Variants in GPC6 observed in about 807,000 individuals in gnomAD.
GPC6 encodes glypican 6, also known as glypican-6.
In GPC6, 14 loss-of-function variants were observed where a neutral mutation model predicts 55.2. The observed-to-expected ratio is 0.25, with a 90% CI of 0.17 to 0.40. The LOEUF is 0.40. GPC6 is among the 10% of genes least tolerant of loss of function. The pLI, the probability that GPC6 is intolerant of heterozygous loss-of-function variation, is 1.00. For missense variants in GPC6, 641 were observed against 708.5 expected (o/e 0.90, Z 1.08); for synonymous variants, 278 against 259.6 (o/e 1.07, Z -0.68).
intron 1 of GPC6, among the ~76,000 whole-genome samples, chr13:93,340,663 C>A (rs181731076): frequency 6.6e-6 from 1 of 152,196 alleles, no homozygotes; most frequent in Non-Finnish European, 1.5e-5. Flanking sequence ...AAGATAGGGT[C>A]AGGTGAGCTG....
chr13:93,324,221 T>A (rs2139126904), intron 1 of GPC6, among the ~76,000 whole-genome samples: 1 of 152,126 alleles, frequency 6.6e-6, no homozygotes, highest in Admixed American at 6.6e-5. Flanking sequence ...ATATTCTCAC[T>A]TATTTGTGGG....
At chr13:93,893,915 C>T (rs1875841055) in intron 3 of GPC6, among the ~76,000 whole-genome samples, 1 of 152,154 alleles carries the variant, frequency 6.6e-6, no homozygotes. Flanking sequence ...TAACCATTAT[C>T]CAAGGCCTCT....
chr13:93,781,567 T>C (rs1399166219), intron 2 of GPC6, among the ~76,000 whole-genome samples: 1 of 152,106 alleles, frequency 6.6e-6, no homozygotes, highest in Admixed American at 6.6e-5. Flanking sequence ...AAATTGTTAC[T>C]ATATGAAATA....
chr13:93,391,697 G>A lies in GPC6; in HGVS notation c.161-153566G>A, dbSNP rs1390449117. Among the ~76,000 whole-genome samples the A allele has an allele frequency of 2.0e-5, 3 of 152,084 alleles. No homozygotes were observed. The East Asian group carries it at 5.8e-4, about 29-fold the overall frequency. On this transcript the variant is annotated intron_variant, in intron 1 of 8. Coordinates refer to ENST00000377047, the MANE Select transcript of GPC6 (RefSeq NM_005708.5). ...GTCTAATGATTCTGCCACCCCCTCA[G>A]GGTGGGTTTTCATTTCTTGGGGTTC...
At chr13:94,252,204 A>G (rs1891371427) in intron 4 of GPC6, among the ~76,000 whole-genome samples, 1 of 152,128 alleles carries the variant, frequency 6.6e-6, no homozygotes, top group Admixed American at 6.6e-5. Flanking sequence ...TGACTTTGTT[A>G]TATAAAACCT....
intron 3 of GPC6, among the ~76,000 whole-genome samples, chr13:93,834,594 A>G (rs1012786680): frequency 3.9e-5 from 6 of 151,954 alleles, no homozygotes; most frequent in Non-Finnish European, 8.8e-5. Flanking sequence ...GTGTGTGTGC[A>G]TGCATGTATG....
In GPC6 at chr13:93,637,418, T is replaced by C. The variant is rs1173058788; in HGVS notation, c.319+91997T>C. Among the ~76,000 whole-genome samples, 8 of 151,986 alleles carry C rather than the reference T, an allele frequency of 5.3e-5. No individual in the cohort carries two copies. In the East Asian group the frequency reaches 9.6e-4, roughly 18 times the overall value. ...CAGAGATGAATAACTAGAGGTCTCT[T>C]GCCACAATGTTTTGCCAGACTAATT... On this transcript the variant is annotated intron_variant, in intron 2 of 8. Transcript: ENST00000377047.
At chr13:93,782,072 T>C (rs767706694) in intron 2 of GPC6, among the ~76,000 whole-genome samples, 6 of 152,122 alleles carry the variant, frequency 3.9e-5, no homozygotes, top group Non-Finnish European at 8.8e-5. Flanking sequence ...TACCCTTTGA[T>C]CAACATATTC....
chr13:93,438,533 G>A (rs185550587), intron 1 of GPC6, among the ~76,000 whole-genome samples: 2 of 152,250 alleles, frequency 1.3e-5, no homozygotes, highest in Non-Finnish European at 2.9e-5. Flanking sequence ...TGCTGCATAC[G>A]TGGTGGAAAT....
chr13:93,362,389 T>A (rs776078890), intron 1 of GPC6, among the ~76,000 whole-genome samples: 43 of 152,160 alleles, frequency 2.8e-4, no homozygotes, highest in Non-Finnish European at 5.6e-4. Flanking sequence ...CATAAAGACA[T>A]TACCTGTGAT....
chr13:94,241,148 G>GT (rs1566582621), intron 4 of GPC6, among the ~76,000 whole-genome samples: 1 of 152,146 alleles, frequency 6.6e-6, no homozygotes, highest in Non-Finnish European at 1.5e-5. Flanking sequence ...TCTTGGTCAC[G>GT]TGAGGATACA....
intron 3 of GPC6, among the ~76,000 whole-genome samples, chr13:94,012,379 A>G (rs1203374063): frequency 6.6e-6 from 1 of 152,198 alleles, no homozygotes; most frequent in Non-Finnish European, 1.5e-5. Flanking sequence ...AGACTTTCTC[A>G]TAGGGCTCAT....
chr13:93,409,679 A>G, intron 1 of GPC6, among the ~76,000 whole-genome samples: 1 of 152,210 alleles, frequency 6.6e-6, no homozygotes, highest in East Asian at 1.9e-4. Flanking sequence ...AAGAATAGCT[A>G]TGGCTAACAT....
At chr13:94,231,436 C>A (rs1382162501) in intron 4 of GPC6, among the ~76,000 whole-genome samples, 1 of 152,130 alleles carries the variant, frequency 6.6e-6, no homozygotes, top group Non-Finnish European at 1.5e-5. Flanking sequence ...CTCTCATAAA[C>A]CCCAAGAATA....
chr13:94,227,019 T>A (rs1249986422), intron 4 of GPC6, among the ~76,000 whole-genome samples: 2 of 152,156 alleles, frequency 1.3e-5, no homozygotes, highest in African/African-American at 4.8e-5. Flanking sequence ...ATCAAACTTC[T>A]TCAGCTGTAA....
intron 4 of GPC6, among the ~76,000 whole-genome samples, chr13:94,203,336 C>T (rs1594053722): frequency 6.6e-6 from 1 of 150,898 alleles, no homozygotes; most frequent in African/African-American, 2.4e-5. Context: ...ATGAAAATTC[C>T]AAAGAAAAAC....
At chr13:94,016,531 G>T (rs1175708176) in intron 3 of GPC6, among the ~76,000 whole-genome samples, 3 of 152,184 alleles carry the variant, frequency 2.0e-5, no homozygotes, top group African/African-American at 7.2e-5. Context: ...CAGGAAATGT[G>T]AGTCCTCCAA....
intron 4 of GPC6, among the ~76,000 whole-genome samples, chr13:94,092,209 A>G (rs1359084676): frequency 6.6e-6 from 1 of 151,856 alleles, no homozygotes; most frequent in Non-Finnish European, 1.5e-5. Flanking sequence ...ATTAACTATA[A>G]TCACTGTGCT....
chr13:93,711,157 A>C (rs1375513700), intron 2 of GPC6, among the ~76,000 whole-genome samples: 3 of 151,830 alleles, frequency 2.0e-5, no homozygotes, highest in Non-Finnish European at 2.9e-5. Flanking sequence ...AAAATGGTAC[A>C]TCTGAAAGAA....
Sources: allele counts gnomAD v4.1 joint callset (sites outside exome capture counted in the v4.1 genomes callset), GRCh38; gene constraint gnomAD v4.1.1; transcripts MANE v1.5; gene names NCBI Gene and HGNC (gene_info 2026-07-23, HGNC 2026-07-21).